The following NXPH1 variants were observed in gnomAD, a reference collection of about 807,000 sequenced individuals.
NXPH1 encodes the protein neurexophilin-1.
Under a neutral mutation model 23.7 loss-of-function variants are expected in NXPH1, and 5 were observed. The ratio of observed to expected loss-of-function variants is 0.21; its 90% CI spans 0.11 to 0.44. NXPH1 has a LOEUF of 0.44. NXPH1 is among the 20% of genes least tolerant of loss of function. The pLI, the probability that NXPH1 is intolerant of heterozygous loss-of-function variation, is 0.99. For synonymous variants in NXPH1, 144 were observed against 122.2 expected, an observed-to-expected ratio of 1.18 and a Z score of -1.18; for missense variants, 324 against 321.6, an observed-to-expected ratio of 1.01 and a Z score of -0.06.
At chr7:8,449,542 A>G (rs1333881112) in intron 2 of NXPH1, among the ~76,000 whole-genome samples, 1 of 152,184 alleles carries the variant, frequency 6.6e-6, no homozygotes, top group Non-Finnish European at 1.5e-5. Context: ...CTGTTAATAT[A>G]TTAATATGCT....
At chr7:8,634,007 C>T (rs10231165) in intron 2 of NXPH1, among the ~76,000 whole-genome samples, 41,922 of 151,934 alleles carry the variant, frequency 0.28, 6,254 homozygotes, top group African/African-American at 0.35. Flanking sequence ...TCATTTATTC[C>T]ATTATAGGGT....
intron 2 of NXPH1, among the ~76,000 whole-genome samples, chr7:8,501,340 C>T: frequency 6.6e-6 from 1 of 151,920 alleles, no homozygotes; most frequent in Non-Finnish European, 1.5e-5. Context: ...AGGAGTTGTA[C>T]CATGCAAGAT....
chr7:8,715,848 A>T (rs1779867817), intron 2 of NXPH1, among the ~76,000 whole-genome samples: 1 of 152,204 alleles, frequency 6.6e-6, no homozygotes, highest in South Asian at 2.1e-4. Context: ...TAAGAGCATT[A>T]TAAGAAGTTG....
intron 2 of NXPH1, among the ~76,000 whole-genome samples, chr7:8,667,093 T>A (rs1820784051): frequency 6.6e-6 from 1 of 152,112 alleles, no homozygotes; most frequent in Admixed American, 6.5e-5. Context: ...TTACTCCACA[T>A]ATTCTAACAT....
chr7:8,458,820 A>G (rs1290667939), intron 2 of NXPH1, among the ~76,000 whole-genome samples: 4 of 152,222 alleles, frequency 2.6e-5, no homozygotes, highest in Admixed American at 2.6e-4. Context: ...AGGAATTATG[A>G]GTAAAACACT....
At chr7:8,689,329 A>G (rs1160971711) in intron 2 of NXPH1, among the ~76,000 whole-genome samples, 1 of 152,116 alleles carries the variant, frequency 6.6e-6, no homozygotes, top group East Asian at 1.9e-4. Context: ...AAAAAAAAAA[A>G]AACCAACTTA....
At position 8,485,562 on chromosome 7, in the gene NXPH1, C is replaced by T. The variant is rs57339326; in HGVS notation, c.54+49795C>T. 6.0e-3 allele frequency among the ~76,000 whole-genome samples: 916 copies of T among 152,148 alleles called. 13 individuals are homozygous for T. Among genetic ancestry groups the T allele is most frequent in the East Asian group, 0.053 (272 of 5,160 alleles). Reference sequence around the variant, plus strand: ...CACAAACAATGACTCTGTTCTTCTCCGGGCCCCATGAGCTCCCATTGTCTT... The same window carrying T: ...CACAAACAATGACTCTGTTCTTCTCTGGGCCCCATGAGCTCCCATTGTCTT... On this transcript the variant is annotated intron_variant, in intron 2 of 2. Coordinates refer to ENST00000405863, the MANE Select transcript of NXPH1 (RefSeq NM_152745.3).
chr7:8,739,045 A>G (rs1780313305), intron 2 of NXPH1, among the ~76,000 whole-genome samples: 1 of 152,076 alleles, frequency 6.6e-6, no homozygotes, highest in Non-Finnish European at 1.5e-5. Flanking sequence ...AAGCCAGTGG[A>G]TCTTAGCTTG....
chr7:8,625,721 A>G (rs1819973334), intron 2 of NXPH1, among the ~76,000 whole-genome samples: 1 of 152,126 alleles, frequency 6.6e-6, no homozygotes, highest in African/African-American at 2.4e-5. Context: ...AAGCTTTCAG[A>G]TCTTTGTTAT....
intron 2 of NXPH1, among the ~76,000 whole-genome samples, chr7:8,642,943 C>T (rs1490719094): frequency 2.0e-5 from 3 of 152,074 alleles, no homozygotes; most frequent in Non-Finnish European, 2.9e-5. Flanking sequence ...CGGTTCACCA[C>T]AACCTCCATC....
chr7:8,648,054 A>G (rs1170578866), intron 2 of NXPH1, among the ~76,000 whole-genome samples: 1 of 152,148 alleles, frequency 6.6e-6, no homozygotes, highest in Non-Finnish European at 1.5e-5. Context: ...AAGTGTATAT[A>G]TTTATAGGGT....
chr7:8,475,300 T>C (rs1816951129), intron 2 of NXPH1, among the ~76,000 whole-genome samples: 3 of 152,090 alleles, frequency 2.0e-5, no homozygotes, highest in Non-Finnish European at 4.4e-5. Flanking sequence ...AGGGACTTTG[T>C]TTCCTTTGAG....
At chr7:8,696,549 G>T (rs1779514115) in intron 2 of NXPH1, among the ~76,000 whole-genome samples, 1 of 152,122 alleles carries the variant, frequency 6.6e-6, no homozygotes, top group African/African-American at 2.4e-5. Context: ...TTTTTAAACG[G>T]ACACCTGAAT....
chr7:8,622,869 C>A, intron 2 of NXPH1, among the ~76,000 whole-genome samples: 1 of 152,114 alleles, frequency 6.6e-6, no homozygotes, highest in Non-Finnish European at 1.5e-5. Flanking sequence ...ACTAATATAT[C>A]ATAGGAATAT....
intron 2 of NXPH1, chr7:8,690,213 T>A (rs967582824): frequency 6.6e-6 from 1 of 152,252 alleles, no homozygotes; most frequent in African/African-American, 2.4e-5. Flanking sequence ...GGTTATTCGT[T>A]AAACTTAAAT....
At chr7:8,641,291 A>T (rs1304080915) in intron 2 of NXPH1, among the ~76,000 whole-genome samples, 2 of 152,200 alleles carry the variant, frequency 1.3e-5, no homozygotes, top group Admixed American at 1.3e-4. Flanking sequence ...TTAAATAATA[A>T]AAAAGAGTTC....
chr7:8,669,504 G>A (rs1820832981), intron 2 of NXPH1, among the ~76,000 whole-genome samples: 1 of 152,182 alleles, frequency 6.6e-6, no homozygotes, highest in Non-Finnish European at 1.5e-5. Context: ...GCACTAGCTT[G>A]GAGGTTCAGT....
chr7:8,740,876 CACATA>C (rs1780349822), intron 2 of NXPH1, among the ~76,000 whole-genome samples: 1 of 152,090 alleles, frequency 6.6e-6, no homozygotes, highest in Non-Finnish European at 1.5e-5. Flanking sequence ...TCCATTACCT[CACATA>C]GTTACCATTT....
chr7:8,476,438 A>G (rs1816972568), intron 2 of NXPH1, among the ~76,000 whole-genome samples: 1 of 150,436 alleles, frequency 6.6e-6, no homozygotes, highest in African/African-American at 2.4e-5. Context: ...CTCTTACCCT[A>G]TCTGAGTTTA....
Sources: gnomAD v4.1 joint callset for allele counts (sites outside exome capture counted in the v4.1 genomes callset) on GRCh38, gnomAD v4.1.1 for gene constraint, MANE v1.5 for transcripts, NCBI Gene and HGNC (gene_info 2026-07-23, HGNC 2026-07-21) for gene names.